The following ZNRF3 variants were observed in gnomAD, a reference collection of about 807,000 sequenced individuals.
The protein encoded by ZNRF3 is zinc and ring finger 3.
Under a neutral mutation model 72.5 loss-of-function variants are expected in ZNRF3, and 23 were observed. The ratio of observed to expected loss-of-function variants is 0.32; its 90% CI spans 0.23 to 0.45. ZNRF3 has a LOEUF of 0.45. Among genes scored for constraint, ZNRF3 ranks in the 20% least tolerant of loss-of-function variants. ZNRF3 has a pLI of 1.00. For synonymous variants in ZNRF3, 610 were observed against 545.3 expected (o/e 1.12, Z -1.65); for missense variants, 1,169 against 1,272.1 (o/e 0.92, Z 1.23).
At chr22:29,025,034 T>C (rs1195711006) in intron 2 of ZNRF3, 2 of 136,236 alleles carry the variant, frequency 1.5e-5, no homozygotes, top group African/African-American at 2.7e-5. Flanking sequence ...CAGGCTGGAG[T>C]GCAGTGGTGC....
intron 1 of ZNRF3, among the ~76,000 whole-genome samples, chr22:28,957,305 C>T (rs2035278721): frequency 2.0e-5 from 3 of 152,180 alleles, no homozygotes; most frequent in African/African-American, 2.4e-5. Context: ...GGATCCTTGG[C>T]CTCACTCTTC....
At chr22:29,035,733 G>A (rs979997561) in intron 2 of ZNRF3, among the ~76,000 whole-genome samples, 7 of 152,048 alleles carry the variant, frequency 4.6e-5, no homozygotes, top group Admixed American at 1.3e-4. Flanking sequence ...ACGCTGCCAC[G>A]CCCAGCTAAA....
chr22:28,958,250 T>C (rs899109934), intron 1 of ZNRF3, among the ~76,000 whole-genome samples: 18 of 152,252 alleles, frequency 1.2e-4, no homozygotes, highest in Non-Finnish European at 2.1e-4. Context: ...TTGCAATTCA[T>C]GGAACAATGA....
At chr22:28,956,062 G>T (rs1438961491) in intron 1 of ZNRF3, among the ~76,000 whole-genome samples, 1 of 152,148 alleles carries the variant, frequency 6.6e-6, no homozygotes, top group Non-Finnish European at 1.5e-5. Context: ...AGGGAGAGGT[G>T]GTTCTGTCAC....
At chr22:29,047,460 C>G (rs1404809433) in intron 6 of ZNRF3, among the ~76,000 whole-genome samples, 1 of 152,180 alleles carries the variant, frequency 6.6e-6, no homozygotes, top group Non-Finnish European at 1.5e-5. Flanking sequence ...TGAAAATGTT[C>G]CACTGCTGCA....
intron 2 of ZNRF3, among the ~76,000 whole-genome samples, chr22:29,040,531 G>A (rs1400625148): frequency 6.6e-6 from 1 of 151,980 alleles, no homozygotes; most frequent in Admixed American, 6.6e-5. Context: ...TGAGGCTGAG[G>A]CTGAAAGCAA....
chr22:29,014,374 G>A (rs953159877), intron 2 of ZNRF3, among the ~76,000 whole-genome samples: 4 of 152,194 alleles, frequency 2.6e-5, no homozygotes, highest in Middle Eastern at 3.4e-3. Flanking sequence ...GCAGTCCCCC[G>A]GCCTGCAGGA....
chr22:29,049,512 A>T lies in ZNRF3; in HGVS notation c.1331A>T (p.His444Leu). The T allele has an allele frequency of 6.2e-7, 1 of 1,603,676 alleles. No individual in the cohort carries two copies. The highest frequency in any genetic ancestry group is 1.3e-5 in the African/African-American group (1 of 74,674). Residue 444 changes from histidine (H) to leucine (L), a missense_variant, in exon 8 of 9, where the codon CAC becomes CTC. This residue lies in a region of ZNRF3 where 783 missense variants were observed against 731.4 expected (regional missense o/e 1.07). Coordinates refer to ENST00000544604, the MANE Select transcript of ZNRF3 (RefSeq NM_001206998.2). This position sits in a 1 kb window ranked among gnomAD's most constrained non-coding sequence, Gnocchi z 5.2. ...GAGCACCGGGCCTACTCCCCAGCCC[A>T]CCCCTTCCGCAGGCCCAAGTTGAGT... ...GLEHRAYSPA[H>L]PFRRPKLSGR...
intron 1 of ZNRF3, among the ~76,000 whole-genome samples, chr22:28,931,509 A>G (rs2034705938): frequency 6.6e-6 from 1 of 152,208 alleles, no homozygotes; most frequent in African/African-American, 2.4e-5. Flanking sequence ...AAACCCTGGG[A>G]TTATTGGCCT....
intron 2 of ZNRF3, among the ~76,000 whole-genome samples, chr22:29,021,240 AT>A (rs941217845): frequency 1.9e-4 from 29 of 152,028 alleles, no homozygotes; most frequent in African/African-American, 5.8e-4. Flanking sequence ...CTCAAAAAAA[AT>A]AAATAAATAA....
chr22:28,997,776 C>T (rs1207407637), intron 2 of ZNRF3, among the ~76,000 whole-genome samples: 1 of 151,696 alleles, frequency 6.6e-6, no homozygotes, highest in Non-Finnish European at 1.5e-5. Context: ...CTTTGGGAGG[C>T]GAGAGGATAA....
rs549241412 is a variant in ZNRF3 at position 28,984,131 on chromosome 22, T to A, written c.301-2945T>A. Among the ~76,000 whole-genome samples the A allele has an allele frequency of 8.1e-3, 1,213 of 150,440 alleles. 14 individuals are homozygous for A. Among genetic ancestry groups the A allele is most frequent in the African/African-American group, 0.024 (961 of 40,870 alleles). On this transcript the variant is annotated intron_variant, in intron 1 of 8. Coordinates refer to ENST00000544604, the MANE Select transcript of ZNRF3 (RefSeq NM_001206998.2). Reference sequence around the variant, plus strand: ...AGGACAGTTGCTTGTTTTTTTTTTTTAAAAAAAACCTTTTAATTGTGAAAT... The same window carrying A: ...AGGACAGTTGCTTGTTTTTTTTTTTAAAAAAAAACCTTTTAATTGTGAAAT...
chr22:28,970,325 A>G (rs549488346), intron 1 of ZNRF3, among the ~76,000 whole-genome samples: 2 of 152,360 alleles, frequency 1.3e-5, no homozygotes, highest in South Asian at 2.1e-4. Context: ...AGATACTGCT[A>G]CGTGCCACTA....
chr22:28,954,258 G>T (rs1240281837), intron 1 of ZNRF3, among the ~76,000 whole-genome samples: 1 of 152,196 alleles, frequency 6.6e-6, no homozygotes, highest in African/African-American at 2.4e-5. Context: ...CAGGGTGCCA[G>T]CATGGTCGGG....
At chr22:28,937,424 T>C (rs1208457658) in intron 1 of ZNRF3, among the ~76,000 whole-genome samples, 4 of 151,842 alleles carry the variant, frequency 2.6e-5, no homozygotes, top group African/African-American at 4.9e-5. Context: ...TGTTTGGGCA[T>C]GTGTTGGCTC....
At chr22:28,917,643 C>G (rs565226912) in intron 1 of ZNRF3, among the ~76,000 whole-genome samples, 2 of 152,226 alleles carry the variant, frequency 1.3e-5, no homozygotes, top group South Asian at 4.2e-4. Flanking sequence ...TTGAATCCAG[C>G]CTGGGCAATA....
chr22:29,032,539 G>A (rs1430791494), intron 2 of ZNRF3, among the ~76,000 whole-genome samples: 6 of 152,168 alleles, frequency 3.9e-5, no homozygotes, highest in Non-Finnish European at 4.4e-5. Flanking sequence ...ATAAGAAACC[G>A]AATCCTGAGA....
chr22:29,043,002 T>G (rs2036996125), intron 3 of ZNRF3, among the ~76,000 whole-genome samples: 1 of 152,038 alleles, frequency 6.6e-6, no homozygotes, highest in Non-Finnish European at 1.5e-5. Context: ...CTTGAACTCT[T>G]GACCTTGTGA....
intron 1 of ZNRF3, among the ~76,000 whole-genome samples, chr22:28,952,499 T>TTG (rs983220977): frequency 6.6e-6 from 1 of 151,694 alleles, no homozygotes; most frequent in Non-Finnish European, 1.5e-5. Context: ...TTCCATGTTT[T>TTG]TTTTTTTTTT....
Sources: gnomAD v4.1 joint callset for allele counts (sites outside exome capture counted in the v4.1 genomes callset) on GRCh38, gnomAD v4.1.1 for gene constraint, gnomAD v4.1.1 regional missense constraint, Gnocchi (gnomAD v3.1) non-coding constraint, MANE v1.5 for transcripts, NCBI Gene and HGNC (gene_info 2026-07-23, HGNC 2026-07-21) for gene names.